Variants in TJP3 observed in about 807,000 individuals in gnomAD.
TJP3 encodes tight junction protein 3.
A neutral mutation model predicts 104.2 loss-of-function variants in TJP3; 85 were observed. The ratio of observed to expected loss-of-function variants is 0.82; its 90% CI spans 0.68 to 0.98. The LOEUF is 0.98. Among genes scored for constraint, TJP3 ranks in the 50% least tolerant of loss-of-function variants. The pLI is 0.00. For missense variants in TJP3, 1,367 were observed against 1,322.8 expected (o/e 1.03, Z -0.52); for synonymous variants, 550 against 550.6 (o/e 1.00, Z 0.02).
intron 14 of TJP3, among the ~76,000 whole-genome samples, chr19:3,740,996 T>G (rs1599160385): frequency 6.6e-6 from 1 of 152,106 alleles, no homozygotes; most frequent in East Asian, 1.9e-4. Context: ...ATTTATTTAT[T>G]TATTTTTGTT....
In TJP3 at chr19:3,735,494, C is replaced by A. The variant is rs868837054; in HGVS notation, c.987-72C>A. On this transcript the variant is annotated intron_variant, in intron 8 of 20. Coordinates refer to ENST00000541714, the MANE Select transcript of TJP3 (RefSeq NM_001267560.2). ...GATTACAGGCATGAACCACCGTGCCCGGCCTAAAATTCTTTTTAAAATGGC... is the reference window on the plus strand; with the variant it reads ...GATTACAGGCATGAACCACCGTGCCAGGCCTAAAATTCTTTTTAAAATGGC... The A allele has an allele frequency of 2.7e-6, 4 of 1,495,336 alleles. No individual in the cohort carries two copies. The South Asian group carries it at 3.4e-5, about 13-fold the overall frequency. 92.6% of individuals were successfully genotyped at this position (1,495,336 alleles called of 1,614,324 possible).
chr19:3,716,803 T>TATATATATA (rs1342695421), intron 1 of TJP3, among the ~76,000 whole-genome samples: 3 of 82,514 alleles, frequency 3.6e-5, no homozygotes, highest in African/African-American at 1.5e-4. Flanking sequence ...ATATATATAT[T>TATATATATA]TTTTTTTTTT....
At chr19:3,709,137 C>T (rs998832488) in intron 1 of TJP3, among the ~76,000 whole-genome samples, 9 of 151,972 alleles carry the variant, frequency 5.9e-5, no homozygotes, top group South Asian at 2.1e-4. Flanking sequence ...TTTTTTGAGA[C>T]GGAGTTTTGC....
chr19:3,733,344 CTG>C (rs1269343182), intron 6 of TJP3, among the ~76,000 whole-genome samples: 1 of 152,164 alleles, frequency 6.6e-6, no homozygotes, highest in East Asian at 1.9e-4. Context: ...CTCTAGATAT[CTG>C]TTTCTAGTTA....
At chr19:3,721,823 G>C (rs963617710) in intron 1 of TJP3, 2 of 943,286 alleles carry the variant, frequency 2.1e-6, no homozygotes, top group Non-Finnish European at 2.8e-6. Context: ...CCCCCAGCCC[G>C]GGGTGGGGGC....
intron 8 of TJP3, among the ~76,000 whole-genome samples, chr19:3,735,144 G>A (rs1599155706): frequency 6.6e-6 from 1 of 152,054 alleles, no homozygotes; most frequent in Middle Eastern, 3.4e-3. Flanking sequence ...GGTATTACAG[G>A]CGTGAGCCAC....
chr19:3,722,417 T>A (rs1213117104), intron 1 of TJP3, among the ~76,000 whole-genome samples: 1 of 151,844 alleles, frequency 6.6e-6, no homozygotes, highest in Non-Finnish European at 1.5e-5. Context: ...GTGACTTCAT[T>A]TGGGGGCTGG....
intron 1 of TJP3, among the ~76,000 whole-genome samples, chr19:3,713,608 C>A (rs1368972518): frequency 2.0e-5 from 3 of 152,174 alleles, no homozygotes; most frequent in African/African-American, 7.2e-5. Context: ...TTGGTTTTGA[C>A]ATATGTACCC....
intron 1 of TJP3, among the ~76,000 whole-genome samples, chr19:3,712,873 C>G (rs1355127433): frequency 1.3e-5 from 2 of 151,280 alleles, no homozygotes; most frequent in Non-Finnish European, 2.9e-5. Context: ...CGCTTGAGCC[C>G]AGGAAAGTGG....
At chr19:3,736,366 A>C (rs200392405) in intron 11 of TJP3, 45 bp downstream of exon 11, 168 of 1,484,126 alleles carry the variant, frequency 1.1e-4, no homozygotes, top group Non-Finnish European at 1.2e-4. Flanking sequence ...ATGGGCGTGC[A>C]GTGTGCTAGG....
chr19:3,746,382 G>A lies in TJP3; in HGVS notation c.2011-103G>A. ...ACTTGCTAGCCTGTGGATGTGAGAG[G>A]CTGGGGTCCACTCTGACCTCAGACT... On this transcript the variant is annotated intron_variant, in intron 16 of 20. Coordinates refer to ENST00000541714, the MANE Select transcript of TJP3 (RefSeq NM_001267560.2). This position sits in a 1 kb window ranked among gnomAD's most constrained non-coding sequence, Gnocchi z 4.1. 3 of 1,286,510 alleles carry A rather than the reference G, an allele frequency of 2.3e-6. No homozygotes were observed. The highest frequency in any genetic ancestry group is 2.0e-5 in the Admixed American group (1 of 49,216). 79.7% of individuals were successfully genotyped at this position (1,286,510 alleles called of 1,614,324 possible).
intron 15 of TJP3, among the ~76,000 whole-genome samples, chr19:3,745,306 C>T (rs568452239): frequency 3.3e-5 from 5 of 151,682 alleles, no homozygotes; most frequent in African/African-American, 4.8e-5. Context: ...CCACCATGCC[C>T]GGCTAATTTT....
chr19:3,736,334 C>G lies in TJP3; in HGVS notation c.1284+13C>G, dbSNP rs201712556. ...TCAGATTCTGCAGGTGCTCCGGGGGCGGCTGGCCAGCCCCACTGATCATGG... is the reference window on the plus strand; with the variant it reads ...TCAGATTCTGCAGGTGCTCCGGGGGGGGCTGGCCAGCCCCACTGATCATGG... On this transcript the variant is annotated intron_variant, in intron 11 of 20. Transcript: ENST00000541714. The G allele has an allele frequency of 1.3e-6, 2 of 1,516,824 alleles. No individual in the cohort carries two copies. The highest frequency in any genetic ancestry group is 4.4e-5 in the Admixed American group (2 of 45,948). The allele number at this position is 1,516,824 out of a possible 1,614,324, so 94.0% of individuals were successfully genotyped here. A position where few individuals can be genotyped will look rare whatever the true frequency, so the allele number is the denominator to read the frequency against.
chr19:3,750,423 G>A (rs149793684), intron 20 of TJP3, among the ~76,000 whole-genome samples, 159 bp from the exon 21 acceptor site: 1 of 152,094 alleles, frequency 6.6e-6, no homozygotes. Context: ...GGGCTTTGAG[G>A]GATGCATAGG....
At chr19:3,712,949 CA>C (rs72344854) in intron 1 of TJP3, among the ~76,000 whole-genome samples, 92,594 of 136,608 alleles carry the variant, frequency 0.68, 30,839 homozygotes, top group East Asian at 0.99. Flanking sequence ...GACTCTGTCT[CA>C]AAAAAAAAAA....
intron 14 of TJP3, 80 bp from the exon 15 acceptor site, chr19:3,743,859 T>C: frequency 7.8e-7 from 1 of 1,282,778 alleles, no homozygotes; most frequent in Non-Finnish European, 1.1e-6. Flanking sequence ...TATAAGGAAG[T>C]GGAGGGGTTT....
chr19:3,735,797 G>A, intron 9 of TJP3, 72 bp from the exon 10 acceptor site: 2 of 1,600,344 alleles, frequency 1.2e-6, no homozygotes, highest in South Asian at 1.1e-5. Flanking sequence ...CCAGGATGAG[G>A]ACATAAAGCA....
chr19:3,723,802 A>T (rs2036567392), intron 1 of TJP3, among the ~76,000 whole-genome samples: 1 of 89,494 alleles, frequency 1.1e-5, no homozygotes, highest in African/African-American at 3.5e-5. Flanking sequence ...CAAAAGAAAA[A>T]AAAAAAATAT....
At chr19:3,709,868 G>C (rs2036417649) in intron 1 of TJP3, among the ~76,000 whole-genome samples, 2 of 152,090 alleles carry the variant, frequency 1.3e-5, no homozygotes, top group Admixed American at 6.6e-5. Flanking sequence ...GGATATTGAG[G>C]GCCGGGCGCG....
Sources: allele counts gnomAD v4.1 joint callset (sites outside exome capture counted in the v4.1 genomes callset), GRCh38; gene constraint gnomAD v4.1.1; non-coding constraint Gnocchi (gnomAD v3.1); transcripts MANE v1.5; gene names NCBI Gene and HGNC (gene_info 2026-07-23, HGNC 2026-07-21).